CALN1: variants seen among roughly 807,000 people sequenced by gnomAD.
CALN1 encodes calneuron 1.
A neutral mutation model predicts 30.6 loss-of-function variants in CALN1; 17 were observed. That is an observed-to-expected ratio of 0.56 (90% CI 0.38 to 0.83). CALN1 has a LOEUF of 0.83. CALN1 is among the 40% of genes least tolerant of loss of function. The probability of loss-of-function intolerance (pLI) is 0.00; values close to 1 mark genes in which losing one functional copy is unlikely to be tolerated. For missense variants in CALN1, 291 were observed against 354.9 expected, an observed-to-expected ratio of 0.82 and a Z score of 1.45; for synonymous variants, 156 against 131.4, an observed-to-expected ratio of 1.19 and a Z score of -1.28.
chr7:72,443,961 T>C (rs908860985), intron 1 of CALN1, among the ~76,000 whole-genome samples: 36 of 139,546 alleles, frequency 2.6e-4, no homozygotes, highest in Non-Finnish European at 4.1e-4. Flanking sequence ...GCAGAGATCA[T>C]GCCACTGCAC....
At chr7:72,222,899 T>TA in intron 3 of CALN1, among the ~76,000 whole-genome samples, 2 of 152,210 alleles carry the variant, frequency 1.3e-5, no homozygotes, top group Admixed American at 1.3e-4. Context: ...TGTGCACCTG[T>TA]AGTCCCAGCT....
At chr7:72,473,498 A>G in the CALN1 span, among the ~76,000 whole-genome samples, 2 of 152,218 alleles carry the variant, frequency 1.3e-5, no homozygotes, top group African/African-American at 2.4e-5. Flanking sequence ...CCATCGAAGT[A>G]TAATTTTCAG....
At chr7:71,880,125 G>A (rs1792479084) in intron 5 of CALN1, among the ~76,000 whole-genome samples, 2 of 152,110 alleles carry the variant, frequency 1.3e-5, no homozygotes, top group East Asian at 1.9e-4. Flanking sequence ...TGATGGAGCA[G>A]GATACTGTCT....
At chr7:72,057,631 T>G (rs751729170) in intron 4 of CALN1, among the ~76,000 whole-genome samples, 1 of 152,282 alleles carries the variant, frequency 6.6e-6, no homozygotes, top group Non-Finnish European at 1.5e-5. Flanking sequence ...ATTAAAATTA[T>G]GTTTTCCAGT....
chr7:71,915,527 A>T (rs941548832), intron 5 of CALN1, among the ~76,000 whole-genome samples: 1 of 152,160 alleles, frequency 6.6e-6, no homozygotes, highest in Non-Finnish European at 1.5e-5. Context: ...AAGTCAAGAG[A>T]TGGAGACCAT....
At chr7:72,439,391 C>T (rs1246573420) in intron 1 of CALN1, among the ~76,000 whole-genome samples, 1 of 151,948 alleles carries the variant, frequency 6.6e-6, no homozygotes, top group African/African-American at 2.4e-5. Context: ...TGACTGGAAG[C>T]CTTACTGATA....
intron 4 of CALN1, among the ~76,000 whole-genome samples, chr7:72,047,390 C>G (rs1269012076): frequency 1.3e-5 from 2 of 152,052 alleles, no homozygotes; most frequent in Non-Finnish European, 2.9e-5. Context: ...GAGTTTGAGA[C>G]CAGCCTGGAC....
At chr7:72,189,975 C>A (rs1401230336) in intron 3 of CALN1, among the ~76,000 whole-genome samples, 1 of 151,940 alleles carries the variant, frequency 6.6e-6, no homozygotes, top group East Asian at 1.9e-4. Flanking sequence ...TTTTTACTGT[C>A]CAGGAAGATG....
At chr7:72,411,807 TAAGAA>T (rs1448738425) in intron 1 of CALN1, among the ~76,000 whole-genome samples, 3 of 151,720 alleles carry the variant, frequency 2.0e-5, no homozygotes, top group African/African-American at 4.9e-5. Context: ...TTTAAAGTAA[TAAGAA>T]AAGAACCAAA....
intron 5 of CALN1, among the ~76,000 whole-genome samples, chr7:71,950,324 A>T (rs1796625904): frequency 6.6e-6 from 1 of 152,046 alleles, no homozygotes; most frequent in Admixed American, 6.6e-5. Context: ...AGGCAGAGGG[A>T]CTCATTCAAG....
the CALN1 span, among the ~76,000 whole-genome samples, chr7:72,468,680 C>A: frequency 1.8e-4 from 28 of 152,274 alleles, no homozygotes; most frequent in South Asian, 5.8e-3. Context: ...TCCACTCCCA[C>A]CTGCAATGTA....
chr7:71,800,756 T>C (rs112881981), intron 6 of CALN1, among the ~76,000 whole-genome samples: 1 of 151,454 alleles, frequency 6.6e-6, no homozygotes, highest in Non-Finnish European at 1.5e-5. Context: ...GGGCTGGGCA[T>C]TGACAGGTAG....
intron 5 of CALN1, among the ~76,000 whole-genome samples, chr7:71,855,405 T>G (rs1388350636): frequency 6.6e-6 from 1 of 151,988 alleles, no homozygotes; most frequent in Non-Finnish European, 1.5e-5. Context: ...CAAATTTCCT[T>G]TCTACATTGG....
In CALN1 at chr7:72,209,539, C is replaced by T. The variant is rs570568339; in HGVS notation, c.244+69147G>A. On this transcript the variant is annotated intron_variant, in intron 3 of 6. Coordinates refer to ENST00000395275, the MANE Select transcript of CALN1 (RefSeq NM_031468.4). ...CCTTTCTTCCTTCCCTCCCTCTCTC[C>T]GCCCTCCGTTCCTCCCTCTCTCCCT... 1.9e-4 allele frequency among the ~76,000 whole-genome samples: 18 copies of T among 95,340 alleles called. No individual in the cohort carries two copies. In the South Asian group the frequency reaches 5.1e-3, roughly 27 times the overall value. The allele number at this position is 95,340 out of a possible 152,430, so 62.5% of individuals were successfully genotyped here.
At chr7:72,034,726 T>C (rs1432490524) in intron 4 of CALN1, among the ~76,000 whole-genome samples, 2 of 144,122 alleles carry the variant, frequency 1.4e-5, no homozygotes, top group Non-Finnish European at 3.0e-5. Flanking sequence ...AGGCGGAGAT[T>C]GTGGTGAGCT....
chr7:71,963,877 C>T (rs1193130542), intron 5 of CALN1, among the ~76,000 whole-genome samples: 1 of 152,170 alleles, frequency 6.6e-6, no homozygotes, highest in Non-Finnish European at 1.5e-5. Context: ...ACTCATCTAA[C>T]ATAAGAGGTA....
At chr7:72,212,156 T>C (rs1224895416) in intron 3 of CALN1, among the ~76,000 whole-genome samples, 1 of 151,944 alleles carries the variant, frequency 6.6e-6, no homozygotes, top group Non-Finnish European at 1.5e-5. Context: ...ATGGAGACCA[T>C]CCTGGCTAAC....
the CALN1 span, among the ~76,000 whole-genome samples, chr7:72,469,355 T>G: frequency 6.6e-6 from 1 of 152,224 alleles, no homozygotes; most frequent in Non-Finnish European, 1.5e-5. Context: ...CTTGGCACCC[T>G]TGTCAAAAAT....
At chr7:71,830,411 G>T (rs1453448284) in intron 5 of CALN1, among the ~76,000 whole-genome samples, 1 of 151,774 alleles carries the variant, frequency 6.6e-6, no homozygotes, top group African/African-American at 2.4e-5. Context: ...GCGGTGGTGC[G>T]ATCTCGGCTC....
Sources: gnomAD v4.1 joint callset for allele counts (sites outside exome capture counted in the v4.1 genomes callset) on GRCh38, gnomAD v4.1.1 for gene constraint, MANE v1.5 for transcripts, NCBI Gene and HGNC (gene_info 2026-07-23, HGNC 2026-07-21) for gene names.